The following CTNNA3 variants were observed in gnomAD, a reference collection of about 807,000 sequenced individuals.
CTNNA3 encodes the protein catenin alpha-3.
Under a neutral mutation model 95.7 loss-of-function variants are expected in CTNNA3, and 76 were observed. The ratio of observed to expected loss-of-function variants is 0.79; its 90% confidence interval spans 0.66 to 0.96. CTNNA3 has a LOEUF of 0.96. Ranked by LOEUF, CTNNA3 falls within the 40% of genes least tolerant of loss-of-function variation. The pLI is 0.00. For synonymous variants in CTNNA3, 431 were observed against 374.4 expected, an observed-to-expected ratio of 1.15 and a Z score of -1.74; for missense variants, 1,191 against 1,089.8, an observed-to-expected ratio of 1.09 and a Z score of -1.31.
At chr10:66,561,540 T>C (rs1842553390) in intron 10 of CTNNA3, among the ~76,000 whole-genome samples, 1 of 151,982 alleles carries the variant, frequency 6.6e-6, no homozygotes, top group Non-Finnish European at 1.5e-5. Context: ...AGTGATTGGG[T>C]AAGAAGGATC....
intron 3 of CTNNA3, among the ~76,000 whole-genome samples, chr10:67,585,831 T>C (rs61866957): frequency 1.3e-5 from 2 of 152,112 alleles, no homozygotes; most frequent in Non-Finnish European, 2.9e-5. Context: ...CATTTAATTC[T>C]ACTCTGATTT....
intron 5 of CTNNA3, among the ~76,000 whole-genome samples, chr10:67,228,124 A>G (rs1865013881): frequency 6.6e-6 from 1 of 152,210 alleles, no homozygotes; most frequent in Admixed American, 6.5e-5. Flanking sequence ...GGAACTAGAG[A>G]AACAAGAACA....
At chr10:66,265,290 G>A (rs2091119656) in intron 13 of CTNNA3, among the ~76,000 whole-genome samples, 1 of 152,006 alleles carries the variant, frequency 6.6e-6, no homozygotes, top group South Asian at 2.1e-4. Flanking sequence ...CTACATGGAT[G>A]TAGGTAACTC....
chr10:66,056,515 G>A (rs1246097896), intron 15 of CTNNA3, among the ~76,000 whole-genome samples: 2 of 151,954 alleles, frequency 1.3e-5, no homozygotes, highest in African/African-American at 4.8e-5. Context: ...TTTTCATCTG[G>A]TTTTGGTATT....
intron 13 of CTNNA3, among the ~76,000 whole-genome samples, chr10:66,227,010 T>C (rs2089324895): frequency 6.6e-6 from 1 of 152,104 alleles, no homozygotes; most frequent in African/African-American, 2.4e-5. Flanking sequence ...TAGGGATAAT[T>C]TGACTTCCTC....
chr10:67,428,339 T>C (rs1417406463), intron 5 of CTNNA3, among the ~76,000 whole-genome samples: 1 of 152,016 alleles, frequency 6.6e-6, no homozygotes, highest in African/African-American at 2.4e-5. Flanking sequence ...TAAAAGGAAA[T>C]TATTTATATA....
At chr10:67,588,336 G>C (rs1016319676) in intron 3 of CTNNA3, among the ~76,000 whole-genome samples, 15 of 151,906 alleles carry the variant, frequency 9.9e-5, no homozygotes, top group Non-Finnish European at 1.0e-4. Flanking sequence ...TTCTATTTTT[G>C]AATTTACTTT....
chr10:66,706,179 T>C (rs1463018813), intron 9 of CTNNA3, among the ~76,000 whole-genome samples: 2 of 151,972 alleles, frequency 1.3e-5, no homozygotes, highest in African/African-American at 4.8e-5. Context: ...CAATGGAAAT[T>C]CTTCAGTCTA....
chr10:66,203,669 A>T (rs2087575520), intron 13 of CTNNA3, among the ~76,000 whole-genome samples: 1 of 152,110 alleles, frequency 6.6e-6, no homozygotes, highest in Admixed American at 6.6e-5. Context: ...AGAAAATTTT[A>T]TTAAAAATCA....
At chr10:67,005,002 C>T (rs532776341) in intron 7 of CTNNA3, among the ~76,000 whole-genome samples, 8 of 152,112 alleles carry the variant, frequency 5.3e-5, no homozygotes, top group Non-Finnish European at 1.2e-4. Context: ...ACTCGCCAAA[C>T]CCTCAAGGTA....
chr10:66,312,561 T>A (rs1347287075), intron 12 of CTNNA3, among the ~76,000 whole-genome samples: 3 of 152,000 alleles, frequency 2.0e-5, no homozygotes, highest in Non-Finnish European at 2.9e-5. Context: ...ATTGTTTTTT[T>A]TTTTTAGACA....
rs562198490 is a variant in CTNNA3, at chr10:66,245,165, C to T, written c.1884+35305G>A. On this transcript the variant is annotated intron_variant, in intron 13 of 17. Transcript: ENST00000433211. The stretch of plus-strand genomic sequence containing the variant: ...GGGGTCCGGCCACTGCTCAGTCAGA[C>T]ATGCCAGCTGCTGCAGTGGGGCAGA... 2.0e-5 allele frequency among the ~76,000 whole-genome samples: 3 copies of T among 152,298 alleles called. No homozygotes were observed. In the East Asian group the frequency reaches 5.8e-4, roughly 29 times the overall value.
At chr10:67,227,388 G>T (rs997112134) in intron 5 of CTNNA3, among the ~76,000 whole-genome samples, 5 of 152,112 alleles carry the variant, frequency 3.3e-5, no homozygotes, top group African/African-American at 1.2e-4. Context: ...ACCATGCCTG[G>T]CCAAAGGGGT....
chr10:67,118,442 A>T (rs1261762484), intron 7 of CTNNA3, among the ~76,000 whole-genome samples: 2 of 151,964 alleles, frequency 1.3e-5, no homozygotes, highest in Admixed American at 1.3e-4. Flanking sequence ...TCTGTTCTAA[A>T]GGATTTCATT....
At chr10:66,090,033 C>T (rs2081154658) in intron 14 of CTNNA3, among the ~76,000 whole-genome samples, 1 of 151,960 alleles carries the variant, frequency 6.6e-6, no homozygotes, top group South Asian at 2.1e-4. Flanking sequence ...TCTAATGCTA[C>T]ATTCGTGACT....
chr10:67,331,537 G>T (rs1404434945), intron 5 of CTNNA3, among the ~76,000 whole-genome samples: 1 of 150,328 alleles, frequency 6.7e-6, no homozygotes, highest in Non-Finnish European at 1.5e-5. Context: ...CCGGGGGAGG[G>T]ACAGAATGGG....
intron 5 of CTNNA3, among the ~76,000 whole-genome samples, chr10:67,236,073 C>T (rs1403299323): frequency 7.1e-6 from 1 of 141,678 alleles, no homozygotes. Flanking sequence ...GGACTGTAAA[C>T]TAGTTCAACC....
intron 12 of CTNNA3, among the ~76,000 whole-genome samples, chr10:66,309,584 G>A (rs1038726904): frequency 2.6e-5 from 4 of 151,038 alleles, no homozygotes; most frequent in African/African-American, 7.3e-5. Flanking sequence ...CAGCTGGGAG[G>A]CTGAGGCAGG....
At chr10:66,695,675 G>T (rs1185239292) in intron 9 of CTNNA3, among the ~76,000 whole-genome samples, 3 of 152,098 alleles carry the variant, frequency 2.0e-5, no homozygotes, top group Non-Finnish European at 4.4e-5. Context: ...TTACAGGTTT[G>T]TTGAGACAGG....
Sources: allele counts gnomAD v4.1 joint callset (sites outside exome capture counted in the v4.1 genomes callset), GRCh38; gene constraint gnomAD v4.1.1; transcripts MANE v1.5; gene names NCBI Gene and HGNC (gene_info 2026-07-23, HGNC 2026-07-21).